The following SGCD variants were observed in gnomAD, a reference collection of about 807,000 sequenced individuals.
SGCD encodes delta-sarcoglycan.
In SGCD, 18 loss-of-function variants were observed where a neutral mutation model predicts 36.6. That is an observed-to-expected ratio of 0.49 (90% CI 0.34 to 0.73). SGCD has a LOEUF of 0.73. Among genes scored for constraint, SGCD ranks in the 30% least tolerant of loss-of-function variants. The probability of loss-of-function intolerance (pLI) is 0.01; values close to 1 mark genes in which losing one functional copy is unlikely to be tolerated. For missense variants in SGCD, 387 were observed against 346.7 expected, an observed-to-expected ratio of 1.12 and a Z score of -0.92; for synonymous variants, 133 against 130.6, an observed-to-expected ratio of 1.02 and a Z score of -0.12.
upstream of SGCD, among the ~76,000 whole-genome samples, chr5:156,323,238 A>C (rs965367642): frequency 6.6e-6 from 1 of 152,190 alleles, no homozygotes; most frequent in Admixed American, 6.5e-5. Flanking sequence ...GAATGAGAGA[A>C]GGAGTTGTTC....
At chr5:155,940,475 T>C (rs540458342) in intron 1 of SGCD, among the ~76,000 whole-genome samples, 2 of 152,290 alleles carry the variant, frequency 1.3e-5, no homozygotes, top group Non-Finnish European at 2.9e-5. Context: ...AAAGAAGATA[T>C]AATAAAGTCT....
At chr5:155,741,813 C>CT in the SGCD span, among the ~76,000 whole-genome samples, 1 of 151,842 alleles carries the variant, frequency 6.6e-6, no homozygotes, top group Non-Finnish European at 1.5e-5. Context: ...ATGCCTCAGC[C>CT]TCCCAAGTAG....
intron 1 of SGCD, among the ~76,000 whole-genome samples, chr5:155,977,396 T>C (rs1758138541): frequency 6.6e-6 from 1 of 152,250 alleles, no homozygotes; most frequent in Admixed American, 6.5e-5. Context: ...ATTACCTTAA[T>C]ATTTGATAGA....
chr5:156,498,324 T>TAA (rs1430937904), intron 3 of SGCD, among the ~76,000 whole-genome samples: 3 of 152,140 alleles, frequency 2.0e-5, no homozygotes, highest in Non-Finnish European at 2.9e-5. Context: ...TGACTCATTT[T>TAA]AAGTATACAA....
intron 1 of SGCD, among the ~76,000 whole-genome samples, chr5:155,927,859 A>G (rs1324236624): frequency 6.6e-6 from 1 of 152,202 alleles, no homozygotes; most frequent in Non-Finnish European, 1.5e-5. Context: ...TCTGAATGTC[A>G]GAGGCTGCTC....
intron 3 of SGCD, among the ~76,000 whole-genome samples, chr5:156,216,253 CA>C (rs1764570683): frequency 6.6e-6 from 1 of 152,014 alleles, no homozygotes; most frequent in African/African-American, 2.4e-5. Context: ...ATCTAGTGTA[CA>C]ACAAGTTACT....
intron 3 of SGCD, among the ~76,000 whole-genome samples, chr5:156,369,755 A>AT (rs1410783806): frequency 1.1e-4 from 16 of 152,238 alleles, no homozygotes; most frequent in South Asian, 4.1e-4. Context: ...GGTTTGTGGG[A>AT]TTTTTTTAAT....
intron 1 of SGCD, among the ~76,000 whole-genome samples, chr5:155,901,670 T>A (rs1756394032): frequency 6.6e-6 from 1 of 152,218 alleles, no homozygotes; most frequent in Non-Finnish European, 1.5e-5. Context: ...AAAACTGGCC[T>A]GACCTCACAT....
intron 1 of SGCD, among the ~76,000 whole-genome samples, chr5:155,948,290 CTAATAA>C (rs1230190418): frequency 1.3e-5 from 2 of 151,910 alleles, no homozygotes; most frequent in Non-Finnish European, 2.9e-5. Context: ...ACTGCTACTA[CTAATAA>C]TAATAATAAT....
intron 3 of SGCD, among the ~76,000 whole-genome samples, chr5:156,243,470 GA>G: frequency 6.6e-6 from 1 of 152,240 alleles, no homozygotes; most frequent in East Asian, 1.9e-4. Context: ...AAAAAATATG[GA>G]AAAGAAGAAA....
At chr5:156,236,824 AT>A (rs1353204474) in intron 3 of SGCD, among the ~76,000 whole-genome samples, 1 of 150,096 alleles carries the variant, frequency 6.7e-6, no homozygotes, top group Non-Finnish European at 1.5e-5. Flanking sequence ...AGGGTAATGG[AT>A]TGCTGAGCCA....
chr5:155,895,571 G>A (rs1756232085), intron 1 of SGCD, among the ~76,000 whole-genome samples: 1 of 151,950 alleles, frequency 6.6e-6, no homozygotes, highest in Non-Finnish European at 1.5e-5. Context: ...ATGTCCTGGT[G>A]GTAAGTGAAA....
At chr5:156,125,239 A>C (rs940189013) in intron 3 of SGCD, among the ~76,000 whole-genome samples, 2 of 152,166 alleles carry the variant, frequency 1.3e-5, no homozygotes, top group African/African-American at 4.8e-5. Flanking sequence ...AATGTAGGTG[A>C]GGTGTGGCAT....
chr5:156,495,793 AT>A (rs1334936876), intron 3 of SGCD, among the ~76,000 whole-genome samples: 1 of 152,134 alleles, frequency 6.6e-6, no homozygotes, highest in Admixed American at 6.6e-5. Flanking sequence ...ATAAGCTCAC[AT>A]TTTTCATCTA....
intron 3 of SGCD, among the ~76,000 whole-genome samples, chr5:156,430,132 C>G (rs1773867472): frequency 6.6e-6 from 1 of 152,134 alleles, no homozygotes; most frequent in South Asian, 2.1e-4. Flanking sequence ...TTAGATTTCT[C>G]TTCCTCAGGA....
chr5:155,808,571 G>A, the SGCD span, among the ~76,000 whole-genome samples: 120 of 152,212 alleles, frequency 7.9e-4, no homozygotes, highest in African/African-American at 2.8e-3. Flanking sequence ...ATGGCATTGG[G>A]CAAACTATTG....
rs898896402 is a variant in SGCD at position 155,885,041 on chromosome 5, C to A, written c.-282+14617C>A. 6.0e-5 allele frequency among the ~76,000 whole-genome samples: 7 copies of A among 117,082 alleles called. 3 individuals carry two copies. The highest frequency in any genetic ancestry group is 3.0e-4 in the African/African-American group (7 of 23,164). 76.8% of individuals were successfully genotyped at this position (117,082 alleles called of 152,430 possible). A position where few individuals can be genotyped will look rare whatever the true frequency, so the allele number is the denominator to read the frequency against. On this transcript the variant is annotated intron_variant, in intron 1 of 9. Transcript: ENST00000517913. ...CATAGCATTTAGCATAAATGTATTT[C>A]ATGAGTGAAAGAACATGTACTTATT...
At chr5:156,752,684 G>A (rs893720295) in intron 7 of SGCD, among the ~76,000 whole-genome samples, 7 of 152,258 alleles carry the variant, frequency 4.6e-5, no homozygotes, top group African/African-American at 1.2e-4. Context: ...GTGAGCTACC[G>A]TGCCGGCCAG....
At chr5:156,640,306 AG>A (rs1490594716) in intron 6 of SGCD, among the ~76,000 whole-genome samples, 2 of 151,996 alleles carry the variant, frequency 1.3e-5, no homozygotes, top group African/African-American at 4.8e-5. Flanking sequence ...ATACATCTCT[AG>A]ATATATATAT....
Sources: allele counts gnomAD v4.1 joint callset (sites outside exome capture counted in the v4.1 genomes callset), GRCh38; gene constraint gnomAD v4.1.1; transcripts MANE v1.5; gene names NCBI Gene and HGNC (gene_info 2026-07-23, HGNC 2026-07-21).